The following PCGF6 variants were observed in gnomAD, a reference collection of about 807,000 sequenced individuals.
PCGF6 encodes the protein polycomb group ring finger 6.
PCGF6 carries 24 observed loss-of-function variants against 45.5 expected under a neutral mutation model. The observed-to-expected ratio is 0.53, with a 90% CI of 0.38 to 0.74. The LOEUF (loss-of-function observed/expected upper bound fraction) is 0.74. Ranked by LOEUF, PCGF6 falls within the 30% of genes least tolerant of loss-of-function variation. PCGF6 has a pLI of 0.00. For missense variants in PCGF6, 356 were observed against 443.2 expected (o/e 0.80, Z 1.77); for synonymous variants, 152 against 162.1 (o/e 0.94, Z 0.47).
intron 9 of PCGF6, among the ~76,000 whole-genome samples, chr10:103,308,230 T>C (rs934601376): frequency 2.0e-5 from 3 of 151,928 alleles, no homozygotes; most frequent in African/African-American, 7.3e-5. Context: ...CACTGAGAGC[T>C]TGCACCCTGA....
At chr10:103,316,017 G>GAA (rs2093175043) in intron 8 of PCGF6, among the ~76,000 whole-genome samples, 1 of 121,846 alleles carries the variant, frequency 8.2e-6, no homozygotes, top group Non-Finnish European at 1.8e-5. Flanking sequence ...TATATATAGA[G>GAA]AGAGAGAGAG....
chr10:103,344,141 A>T (rs1486754302), intron 6 of PCGF6, among the ~76,000 whole-genome samples: 2 of 152,162 alleles, frequency 1.3e-5, no homozygotes, highest in Non-Finnish European at 2.9e-5. Flanking sequence ...ATATTTCAAC[A>T]GGGATGAATC....
At chr10:103,341,974 C>T (rs2093282480) in intron 6 of PCGF6, among the ~76,000 whole-genome samples, 1 of 151,554 alleles carries the variant, frequency 6.6e-6, no homozygotes, top group Admixed American at 6.6e-5. Flanking sequence ...CTTTCTCTGT[C>T]ACCCAGGCTG....
intron 8 of PCGF6, among the ~76,000 whole-genome samples, chr10:103,324,286 C>G (rs2093208376): frequency 6.9e-6 from 1 of 145,106 alleles, no homozygotes; most frequent in African/African-American, 2.7e-5. Context: ...AAACTTAACA[C>G]ATGATGGAGA....
chr10:103,342,632 T>G (rs2093285051), intron 6 of PCGF6, among the ~76,000 whole-genome samples: 1 of 152,170 alleles, frequency 6.6e-6, no homozygotes, highest in South Asian at 2.1e-4. Context: ...AAAACTTAAG[T>G]GAGCACAAGG....
intron 7 of PCGF6, 80 bp from the exon 8 acceptor site, chr10:103,326,712 G>A: frequency 3.1e-6 from 3 of 976,712 alleles, no homozygotes; most frequent in Non-Finnish European, 4.3e-6. Context: ...TATATGTAAT[G>A]TGTAAACATT....
At chr10:103,334,045 A>G (rs2093248737) in intron 6 of PCGF6, 93 bp from the exon 7 acceptor site, 6 of 809,798 alleles carry the variant, frequency 7.4e-6, no homozygotes, top group Non-Finnish European at 9.0e-6. Flanking sequence ...AGAAACATCA[A>G]TTCATTGTAA....
At chr10:103,341,746 C>G (rs1292181144) in intron 6 of PCGF6, among the ~76,000 whole-genome samples, 1 of 151,580 alleles carries the variant, frequency 6.6e-6, no homozygotes, top group Non-Finnish European at 1.5e-5. Context: ...GCCCGGCCAA[C>G]TCTTTAATTT....
At chr10:103,325,142 TAAATA>T (rs202037510) in intron 8 of PCGF6, among the ~76,000 whole-genome samples, 54,236 of 144,828 alleles carry the variant, frequency 0.37, 11,009 homozygotes, top group South Asian at 0.62. Context: ...CTCAAAATAA[TAAATA>T]AAATAAAATA....
intron 8 of PCGF6, among the ~76,000 whole-genome samples, chr10:103,316,685 C>T (rs1423913822): frequency 1.3e-5 from 2 of 152,172 alleles, no homozygotes; most frequent in African/African-American, 2.4e-5. Context: ...TGGGCCATAG[C>T]ATCTCTGTTA....
At chr10:103,329,991 G>C (rs1182576642) in intron 7 of PCGF6, among the ~76,000 whole-genome samples, 2 of 142,052 alleles carry the variant, frequency 1.4e-5, no homozygotes, top group Non-Finnish European at 1.5e-5. Flanking sequence ...GGATGGTATC[G>C]ATCTCCTGAC....
intron 7 of PCGF6, among the ~76,000 whole-genome samples, chr10:103,332,841 G>A (rs989296526): frequency 2.6e-5 from 4 of 152,108 alleles, no homozygotes; most frequent in Admixed American, 2.0e-4. Context: ...ATGGTCGGGC[G>A]CAGTGGCTCA....
chr10:103,343,278 TA>T (rs999530506), intron 6 of PCGF6, among the ~76,000 whole-genome samples: 4 of 151,374 alleles, frequency 2.6e-5, no homozygotes, highest in African/African-American at 9.7e-5. Context: ...TACAAGGAGA[TA>T]AATACAATAA....
In PCGF6 at chr10:103,336,592, C is replaced by A. The variant is rs928372811; in HGVS notation, c.783-2640G>T. Among the ~76,000 whole-genome samples the A allele has an allele frequency of 2.6e-5, 4 of 152,036 alleles. No individual in the cohort carries two copies. The East Asian group carries it at 5.8e-4, about 22-fold the overall frequency. ...GACTTTGTTAGAAATTGCTTGCTTG[C>A]GGCCAGGTGCAGTAGGTCACACCTG... On this transcript the variant is annotated intron_variant, in intron 6 of 9. Coordinates refer to ENST00000369847, the MANE Select transcript of PCGF6 (RefSeq NM_001011663.2).
chr10:103,332,571 C>T (rs1403400386), intron 7 of PCGF6, among the ~76,000 whole-genome samples: 2 of 152,080 alleles, frequency 1.3e-5, no homozygotes, highest in Non-Finnish European at 2.9e-5. Context: ...CCAACGAACC[C>T]GGCCTAATAT....
chr10:103,310,838 G>GA, intron 9 of PCGF6, among the ~76,000 whole-genome samples: 1 of 152,164 alleles, frequency 6.6e-6, no homozygotes, highest in African/African-American at 2.4e-5. Flanking sequence ...AAGTAGTTGG[G>GA]ACTATAGGCA....
chr10:103,306,024 G>A (rs2093137109), intron 9 of PCGF6, among the ~76,000 whole-genome samples: 1 of 151,532 alleles, frequency 6.6e-6, no homozygotes, highest in South Asian at 2.1e-4. Context: ...TCTACTTTTT[G>A]TGGCGTTCTA....
intron 8 of PCGF6, among the ~76,000 whole-genome samples, chr10:103,316,266 T>C (rs2093176023): frequency 1.3e-5 from 2 of 152,086 alleles, no homozygotes; most frequent in Admixed American, 1.3e-4. Context: ...CCACTAAAAC[T>C]ACCTCCTAGC....
At chr10:103,313,586 T>C (rs1226917757) in intron 9 of PCGF6, among the ~76,000 whole-genome samples, 1 of 151,288 alleles carries the variant, frequency 6.6e-6, no homozygotes, top group African/African-American at 2.4e-5. Flanking sequence ...TAAATAAAAA[T>C]ACAATATACC....
Sources: allele counts gnomAD v4.1 joint callset (sites outside exome capture counted in the v4.1 genomes callset), GRCh38; gene constraint gnomAD v4.1.1; transcripts MANE v1.5; gene names NCBI Gene and HGNC (gene_info 2026-07-23, HGNC 2026-07-21).